Variants in CRYBA4 observed in about 807,000 individuals in gnomAD.
The protein encoded by CRYBA4 is crystallin beta A4, also known as beta-crystallin A4.
CRYBA4 carries 30 observed loss-of-function variants against 31.7 expected under a neutral mutation model. The ratio of observed to expected loss-of-function variants is 0.95; its 90% CI spans 0.71 to 1.28. The LOEUF is 1.28. Ranked by LOEUF, CRYBA4 falls within the 50% of genes most tolerant of loss-of-function variation. The pLI, the probability that CRYBA4 is intolerant of heterozygous loss-of-function variation, is 0.00. For missense variants in CRYBA4, 225 were observed against 260.7 expected, an observed-to-expected ratio of 0.86 and a Z score of 0.94; for synonymous variants, 102 against 102.3, an observed-to-expected ratio of 1.00 and a Z score of 0.02.
chr22:26,606,888 C>T, the CRYBA4 span, among the ~76,000 whole-genome samples: 1 of 152,180 alleles, frequency 6.6e-6, no homozygotes, highest in Non-Finnish European at 1.5e-5. Flanking sequence ...CTGTGAATCA[C>T]TTGGAGATAT....
chr22:26,600,986 C>T, the CRYBA4 span, among the ~76,000 whole-genome samples: 1 of 152,232 alleles, frequency 6.6e-6, no homozygotes, highest in Non-Finnish European at 1.5e-5. Context: ...AAGGTAGGAA[C>T]TTGGCTGTAT....
chr22:26,612,585 T>G, the CRYBA4 span, among the ~76,000 whole-genome samples: 1 of 152,230 alleles, frequency 6.6e-6, no homozygotes, highest in African/African-American at 2.4e-5. Context: ...ATTCCTGAGC[T>G]CAAATGATTG....
the CRYBA4 span, chr22:26,599,587 G>C: frequency 1.2e-6 from 2 of 1,614,156 alleles, no homozygotes; most frequent in South Asian, 1.1e-5. Context: ...TGGCTGGAAG[G>C]CTCCCCACTC....
chr22:26,594,669 C>T, the CRYBA4 span, among the ~76,000 whole-genome samples: 10 of 151,956 alleles, frequency 6.6e-5, no homozygotes, highest in South Asian at 6.2e-4. Flanking sequence ...CCAGCCTGGG[C>T]GATAGAGTGA....
the CRYBA4 span, among the ~76,000 whole-genome samples, chr22:26,592,936 T>C: frequency 1.3e-5 from 2 of 152,184 alleles, no homozygotes; most frequent in East Asian, 3.8e-4. Context: ...ATCGTCTTGT[T>C]GTCTAGGTTG....
intron 5 of CRYBA4, 37 bp downstream of exon 5, chr22:26,628,467 G>A (rs898399199): frequency 2.0e-5 from 32 of 1,611,622 alleles, no homozygotes; most frequent in Non-Finnish European, 2.7e-5. Context: ...CAGGGGAGGG[G>A]CTACTGGGAG....
intron 4 of CRYBA4, among the ~76,000 whole-genome samples, chr22:26,627,435 TTTCTTTCTTTCC>T (rs1929765169): frequency 8.4e-6 from 1 of 119,558 alleles, no homozygotes; most frequent in African/African-American, 3.7e-5. Flanking sequence ...TTTTTCTTTC[TTTCTTTCTTTCC>T]TTCTTTCTTT....
chr22:26,614,065 G>A, the CRYBA4 span, among the ~76,000 whole-genome samples: 3 of 152,162 alleles, frequency 2.0e-5, no homozygotes, highest in South Asian at 6.2e-4. Flanking sequence ...GGCCAGACCG[G>A]TTGATCTCAA....
chr22:26,590,774 C>A, the CRYBA4 span, among the ~76,000 whole-genome samples: 3 of 151,948 alleles, frequency 2.0e-5, no homozygotes, highest in African/African-American at 2.4e-5. Flanking sequence ...CACTACCCCC[C>A]CAAAAAAAAC....
At position 26,630,441 on chromosome 22, in the gene CRYBA4, A is replaced by G; in HGVS notation, c.545A>G (p.His182Arg). The G allele has an allele frequency of 6.2e-7, 1 of 1,613,780 alleles. No individual in the cohort carries two copies. The highest frequency in any genetic ancestry group is 1.1e-5 in the South Asian group (1 of 91,032). Residue 182 changes from histidine (H) to arginine (R), a missense_variant, in exon 6 of 6, where the codon CAT becomes CGT. By Grantham distance (29) the His-to-Arg change is conservative (BLOSUM62 0). Transcript: ENST00000354760. Reference sequence around the variant, plus strand: ...AAACATTTCCGGGAGTGGGGCTCTCATGCCCCGACCTTCCAGGTGCAGAGC... The same window carrying G: ...AAACATTTCCGGGAGTGGGGCTCTCGTGCCCCGACCTTCCAGGTGCAGAGC... ...DYKHFREWGSHAPTFQVQSIR... is the reference protein window; with the variant it reads ...DYKHFREWGSRAPTFQVQSIR...
the CRYBA4 span, among the ~76,000 whole-genome samples, chr22:26,600,224 AC>A: frequency 1.3e-5 from 2 of 152,056 alleles, no homozygotes; most frequent in Non-Finnish European, 2.9e-5. Context: ...ATGCAGTGAA[AC>A]CCCGTCTCTA....
At chr22:26,601,555 C>T in the CRYBA4 span, among the ~76,000 whole-genome samples, 1 of 151,574 alleles carries the variant, frequency 6.6e-6, no homozygotes, top group African/African-American at 2.4e-5. Context: ...CTGGATGCAT[C>T]CAGCCTCATC....
chr22:26,629,523 C>T (rs1005201557), intron 5 of CRYBA4, among the ~76,000 whole-genome samples: 1 of 151,886 alleles, frequency 6.6e-6, no homozygotes, highest in Non-Finnish European at 1.5e-5. Context: ...GGGCGGATCA[C>T]CTGAGGTCAG....
chr22:26,619,241 G>C (rs1929457435), upstream of CRYBA4, among the ~76,000 whole-genome samples: 1 of 152,200 alleles, frequency 6.6e-6, no homozygotes, highest in South Asian at 2.1e-4. Context: ...GAGACACAGA[G>C]AGGCACAGGG....
At chr22:26,617,937 T>G (rs1475496487), upstream of CRYBA4, 1 of 153,740 alleles carries the variant, frequency 6.5e-6, no homozygotes, top group Non-Finnish European at 1.5e-5. Flanking sequence ...TCTCTTCCCC[T>G]CCCCTTCAGC....
At chr22:26,601,627 G>A in the CRYBA4 span, among the ~76,000 whole-genome samples, 1 of 151,486 alleles carries the variant, frequency 6.6e-6, no homozygotes, top group African/African-American at 2.4e-5. Flanking sequence ...AGGCTTAGCA[G>A]CTCCTATTTT....
chr22:26,591,407 G>A, the CRYBA4 span, among the ~76,000 whole-genome samples: 1 of 145,464 alleles, frequency 6.9e-6, no homozygotes, highest in African/African-American at 2.6e-5. Context: ...GGAGGCAAGG[G>A]TTGCAGTGAG....
At chr22:26,619,609 G>A (rs1442776229), upstream of CRYBA4, among the ~76,000 whole-genome samples, 2 of 152,190 alleles carry the variant, frequency 1.3e-5, no homozygotes, top group Non-Finnish European at 2.9e-5. Context: ...CCCTGGCCTG[G>A]AGCCAGCTTT....
chr22:26,594,838 C>T, the CRYBA4 span, among the ~76,000 whole-genome samples: 9 of 152,160 alleles, frequency 5.9e-5, no homozygotes, highest in African/African-American at 1.4e-4. Context: ...CACTGGTTTC[C>T]GTCAATATTA....
Sources: gnomAD v4.1 joint callset for allele counts (sites outside exome capture counted in the v4.1 genomes callset) on GRCh38, gnomAD v4.1.1 for gene constraint, MANE v1.5 for transcripts, NCBI Gene and HGNC (gene_info 2026-07-23, HGNC 2026-07-21) for gene names.